The following ADARB2 variants were observed in gnomAD, a reference collection of about 807,000 sequenced individuals.
ADARB2 encodes the protein inactive double-stranded RNA-specific editase B2.
A neutral mutation model predicts 62.2 loss-of-function variants in ADARB2; 25 were observed. That is an observed-to-expected ratio of 0.40 (90% CI 0.29 to 0.56). The LOEUF (loss-of-function observed/expected upper bound fraction) is 0.56, where lower values mean the gene tolerates loss of function less well. ADARB2 is among the 20% of genes least tolerant of loss of function. The pLI is 0.43. For synonymous variants in ADARB2, 572 were observed against 500.8 expected (o/e 1.14, Z -1.90); for missense variants, 1,071 against 1,077.4 (o/e 0.99, Z 0.08).
intron 3 of ADARB2, among the ~76,000 whole-genome samples, chr10:1,278,026 G>C (rs1390857177): frequency 6.6e-6 from 1 of 151,876 alleles, no homozygotes; most frequent in Non-Finnish European, 1.5e-5. Context: ...CTGGACCTCA[G>C]TGGCATGATC....
At chr10:1,709,744 C>T (rs936862830) in intron 1 of ADARB2, among the ~76,000 whole-genome samples, 4 of 152,198 alleles carry the variant, frequency 2.6e-5, no homozygotes, top group Non-Finnish European at 4.4e-5. Context: ...ATGCCTAGCT[C>T]TTCTTACAGG....
intron 1 of ADARB2, among the ~76,000 whole-genome samples, chr10:1,457,289 C>T (rs61255727): frequency 0.3 from 45,339 of 152,062 alleles, 7,211 homozygotes; most frequent in East Asian, 0.47. Context: ...GCGCTGGACA[C>T]GACCATTGAG....
At chr10:1,732,314 C>CA (rs4002272) in intron 1 of ADARB2, among the ~76,000 whole-genome samples, 10,892 of 105,568 alleles carry the variant, frequency 0.1, 473 homozygotes, top group Non-Finnish European at 0.11. Context: ...TTTCATGCCT[C>CA]AAAAAAAAAA....
chr10:1,568,800 C>CTCTA (rs71379148), intron 1 of ADARB2, among the ~76,000 whole-genome samples: 41,800 of 148,358 alleles, frequency 0.28, 5,825 homozygotes, highest in Middle Eastern at 0.31. Flanking sequence ...ATGTCTCTAT[C>CTCTA]TCTATCTATC....
intron 3 of ADARB2, among the ~76,000 whole-genome samples, chr10:1,285,851 A>G (rs1440140422): frequency 6.6e-6 from 1 of 152,256 alleles, no homozygotes; most frequent in African/African-American, 2.4e-5. Context: ...TCAGGGTAAA[A>G]TTGACATTCA....
intron 2 of ADARB2, among the ~76,000 whole-genome samples, chr10:1,370,575 T>C (rs1034065304): frequency 6.6e-6 from 1 of 152,170 alleles, no homozygotes; most frequent in Non-Finnish European, 1.5e-5. Context: ...TCTAAAAGAC[T>C]CCTAGACTTG....
intron 4 of ADARB2, among the ~76,000 whole-genome samples, chr10:1,262,437 C>T (rs535259235): frequency 6.6e-6 from 1 of 151,878 alleles, no homozygotes; most frequent in African/African-American, 2.4e-5. Context: ...AACAAATTTA[C>T]AAGAAAAATC....
At chr10:1,661,348 G>T (rs4478909) in intron 1 of ADARB2, among the ~76,000 whole-genome samples, 43,729 of 152,082 alleles carry the variant, frequency 0.29, 7,482 homozygotes, top group East Asian at 0.41. Context: ...GGTTTCCTGA[G>T]TCACAGATGG....
chr10:1,338,621 TTCTG>T (rs373289590), intron 3 of ADARB2, among the ~76,000 whole-genome samples: 1 of 152,302 alleles, frequency 6.6e-6, no homozygotes, highest in East Asian at 1.9e-4. Context: ...ATTAGGCAAT[TTCTG>T]TCTGTTTCAT....
chr10:1,650,671 C>A (rs1420904301), intron 1 of ADARB2, among the ~76,000 whole-genome samples: 1 of 152,222 alleles, frequency 6.6e-6, no homozygotes, highest in Admixed American at 6.5e-5. Context: ...ACTCCACCGA[C>A]CGTCCACGAG....
chr10:1,416,637 G>C (rs919990040), intron 1 of ADARB2, among the ~76,000 whole-genome samples: 1 of 152,242 alleles, frequency 6.6e-6, no homozygotes. Context: ...TCTCACCCAG[G>C]CTGCCCTGAT....
chr10:1,628,989 T>C (rs1467268233), intron 1 of ADARB2, among the ~76,000 whole-genome samples: 1 of 152,074 alleles, frequency 6.6e-6, no homozygotes, highest in Non-Finnish European at 1.5e-5. Context: ...CCGGGTTTCA[T>C]TTGCCTCATG....
chr10:1,466,714 T>C (rs1306427133), intron 1 of ADARB2, among the ~76,000 whole-genome samples: 1 of 152,182 alleles, frequency 6.6e-6, no homozygotes, highest in Non-Finnish European at 1.5e-5. Flanking sequence ...TTTCTGTTGT[T>C]GGATCCCCAG....
chr10:1,336,092 C>T (rs1304043307), intron 3 of ADARB2, among the ~76,000 whole-genome samples: 1 of 152,208 alleles, frequency 6.6e-6, no homozygotes, highest in East Asian at 1.9e-4. Flanking sequence ...CTCTAATATG[C>T]AAACATTCGA....
chr10:1,509,199 A>G (rs1831891533), intron 1 of ADARB2, among the ~76,000 whole-genome samples: 1 of 152,188 alleles, frequency 6.6e-6, no homozygotes, highest in Admixed American at 6.5e-5. Flanking sequence ...CCTGGGTAAA[A>G]TGATCAATCT....
Position 1,436,283 on chromosome 10 carries a change from C to A in ADARB2, c.101-57123G>T, listed in dbSNP as rs79421823. On this transcript the variant is annotated intron_variant, in intron 1 of 9. Coordinates refer to ENST00000381312, the MANE Select transcript of ADARB2 (RefSeq NM_018702.4). ...TATGGAGAATCATCACAAGGGAAAC[C>A]TATACTACCCTAGCAGCTACTTTTT... Among the ~76,000 whole-genome samples the A allele has an allele frequency of 1.9e-4, 29 of 152,162 alleles. 1 individual carries two copies. Among genetic ancestry groups the A allele is most frequent in the Non-Finnish European group, 3.5e-4 (24 of 68,010 alleles).
chr10:1,485,332 A>G (rs1158330868), intron 1 of ADARB2, among the ~76,000 whole-genome samples: 2 of 152,090 alleles, frequency 1.3e-5, no homozygotes, highest in Admixed American at 6.5e-5. Flanking sequence ...ACTTGTGAGC[A>G]TGTGTGTACA....
At chr10:1,450,395 A>G (rs1169791855) in intron 1 of ADARB2, among the ~76,000 whole-genome samples, 1 of 152,220 alleles carries the variant, frequency 6.6e-6, no homozygotes. Flanking sequence ...TGGTTGCTGT[A>G]GGAGGCATGC....
At chr10:1,602,764 TACAC>T (rs761569391) in intron 1 of ADARB2, among the ~76,000 whole-genome samples, 9 of 139,914 alleles carry the variant, frequency 6.4e-5, no homozygotes, top group Non-Finnish European at 1.1e-4. Context: ...CACCTGTACA[TACAC>T]ACACATCCAC....
Sources: gnomAD v4.1 joint callset for allele counts (sites outside exome capture counted in the v4.1 genomes callset) on GRCh38, gnomAD v4.1.1 for gene constraint, MANE v1.5 for transcripts, NCBI Gene and HGNC (gene_info 2026-07-23, HGNC 2026-07-21) for gene names.